Variants in FRMD4A observed in about 807,000 individuals in gnomAD.
FRMD4A encodes the protein FERM domain-containing protein 4A.
In FRMD4A, 29 loss-of-function variants were observed where a neutral mutation model predicts 129.1. The observed-to-expected ratio is 0.22, with a 90% confidence interval of 0.17 to 0.31. The LOEUF is 0.31. FRMD4A is among the 10% of genes least tolerant of loss of function. The pLI is 1.00. For synonymous variants in FRMD4A, 634 were observed against 571.6 expected (o/e 1.11, Z -1.56); for missense variants, 1,272 against 1,375.8 (o/e 0.92, Z 1.19).
intron 2 of FRMD4A, among the ~76,000 whole-genome samples, chr10:14,197,205 CATTTTATACA>C (rs1842496497): frequency 6.6e-6 from 1 of 152,126 alleles, no homozygotes; most frequent in Non-Finnish European, 1.5e-5. Context: ...GGGAACCCCA[CATTTTATACA>C]ATTTTATACA....
At chr10:14,178,260 A>G (rs1841799090) in intron 2 of FRMD4A, among the ~76,000 whole-genome samples, 1 of 152,244 alleles carries the variant, frequency 6.6e-6, no homozygotes, top group African/African-American at 2.4e-5. Flanking sequence ...TTTATTAGTC[A>G]GGGGTTGCAA....
chr10:13,926,807 A>C (rs983117048), intron 2 of FRMD4A, among the ~76,000 whole-genome samples: 4 of 152,232 alleles, frequency 2.6e-5, no homozygotes, highest in African/African-American at 9.6e-5. Context: ...AAAGACCCAC[A>C]TACTTTTAGA....
Position 14,092,354 on chromosome 10 carries a change from G to A in FRMD4A, c.46-233442C>T, listed in dbSNP as rs1304847397. The stretch of plus-strand genomic sequence containing the variant: ...ACTCCAAATTGAGCTGCACACTCTG[G>A]TGTCTTCAGGCACAGCCAGGCATAG... On this transcript the variant is annotated intron_variant, in intron 2 of 24. Transcript: ENST00000357447. 2.0e-5 allele frequency among the ~76,000 whole-genome samples: 3 copies of A among 152,224 alleles called. No homozygotes were observed. In the East Asian group the frequency reaches 5.8e-4, roughly 29 times the overall value.
At chr10:14,075,265 A>G (rs1172580899) in intron 2 of FRMD4A, among the ~76,000 whole-genome samples, 1 of 152,224 alleles carries the variant, frequency 6.6e-6, no homozygotes, top group Non-Finnish European at 1.5e-5. Context: ...TGATTATTTT[A>G]CTATATTGAG....
intron 2 of FRMD4A, among the ~76,000 whole-genome samples, chr10:14,054,690 G>T (rs1361228071): frequency 6.6e-6 from 1 of 152,108 alleles, no homozygotes; most frequent in Admixed American, 6.6e-5. Flanking sequence ...AAGTGATATG[G>T]TTTGGCTGTG....
intron 6 of FRMD4A, among the ~76,000 whole-genome samples, chr10:13,763,433 A>C (rs1365071023): frequency 2.6e-5 from 4 of 152,236 alleles, no homozygotes; most frequent in African/African-American, 9.6e-5. Flanking sequence ...TGTACTAGCC[A>C]CATTTCTTTC....
At chr10:14,074,099 A>C (rs1251107547) in intron 2 of FRMD4A, among the ~76,000 whole-genome samples, 4 of 152,210 alleles carry the variant, frequency 2.6e-5, no homozygotes, top group Non-Finnish European at 4.4e-5. Flanking sequence ...TGACAGAGCA[A>C]GATAGTCTCA....
chr10:13,649,917 A>C (rs2081412266), intron 24 of FRMD4A, among the ~76,000 whole-genome samples: 1 of 152,246 alleles, frequency 6.6e-6, no homozygotes, highest in Non-Finnish European at 1.5e-5. Flanking sequence ...GAGCTGGGGC[A>C]GGATGAAGAT....
At chr10:13,970,294 CCG>C (rs202215361) in intron 2 of FRMD4A, among the ~76,000 whole-genome samples, 2 of 145,652 alleles carry the variant, frequency 1.4e-5, no homozygotes, top group African/African-American at 5.6e-5. Flanking sequence ...GGTCTACCCC[CCG>C]CCTGCCCAGG....
intron 2 of FRMD4A, among the ~76,000 whole-genome samples, chr10:14,172,567 C>T (rs1407459925): frequency 6.6e-6 from 1 of 152,198 alleles, no homozygotes; most frequent in African/African-American, 2.4e-5. Flanking sequence ...ATCTGTTAGG[C>T]GCCAGAGACT....
At chr10:14,057,200 T>G (rs1834576080) in intron 2 of FRMD4A, among the ~76,000 whole-genome samples, 1 of 152,220 alleles carries the variant, frequency 6.6e-6, no homozygotes, top group South Asian at 2.1e-4. Context: ...CCTAGGCTCT[T>G]AATTATTTGC....
intron 18 of FRMD4A, among the ~76,000 whole-genome samples, chr10:13,664,863 A>ATTGG (rs2082893499): frequency 6.6e-6 from 1 of 151,744 alleles, no homozygotes; most frequent in Non-Finnish European, 1.5e-5. Flanking sequence ...GTGCATGCCA[A>ATTGG]CATGCCCAGC....
intron 3 of FRMD4A, among the ~76,000 whole-genome samples, chr10:13,855,814 C>T (rs1007438715): frequency 1.3e-5 from 2 of 152,094 alleles, no homozygotes; most frequent in South Asian, 2.1e-4. Context: ...AGAAAGGATA[C>T]TGCCCAACAG....
At chr10:14,238,991 T>C (rs1421244576) in intron 2 of FRMD4A, among the ~76,000 whole-genome samples, 2 of 152,226 alleles carry the variant, frequency 1.3e-5, no homozygotes, top group Non-Finnish European at 2.9e-5. Context: ...GGTGCTTTTT[T>C]ACTGATTCCT....
chr10:14,146,315 G>A (rs1201719283), intron 2 of FRMD4A, among the ~76,000 whole-genome samples: 1 of 152,214 alleles, frequency 6.6e-6, no homozygotes, highest in East Asian at 1.9e-4. Context: ...ACAAGACGTG[G>A]AAAATAGCCA....
intron 2 of FRMD4A, among the ~76,000 whole-genome samples, chr10:13,962,930 A>G (rs2095455490): frequency 6.6e-6 from 1 of 152,252 alleles, no homozygotes; most frequent in African/African-American, 2.4e-5. Flanking sequence ...GTCATGTCAG[A>G]TTCAAGAATA....
intron 2 of FRMD4A, among the ~76,000 whole-genome samples, chr10:14,086,609 T>G (rs532083072): frequency 6.6e-5 from 10 of 152,224 alleles, no homozygotes; most frequent in Non-Finnish European, 1.0e-4. Flanking sequence ...ATGACTATAT[T>G]GCCATTTTTA....
intron 2 of FRMD4A, among the ~76,000 whole-genome samples, chr10:13,865,838 AC>A (rs1336091064): frequency 6.6e-6 from 1 of 152,124 alleles, no homozygotes; most frequent in African/African-American, 2.4e-5. Flanking sequence ...TAGTCAATTG[AC>A]ACCTGTATTC....
intron 2 of FRMD4A, among the ~76,000 whole-genome samples, chr10:13,983,110 G>A (rs2131407841): frequency 6.6e-6 from 1 of 152,242 alleles, no homozygotes; most frequent in African/African-American, 2.4e-5. Flanking sequence ...ATAGGCGTGT[G>A]CCACTACACC....
Sources: gnomAD v4.1 joint callset for allele counts (sites outside exome capture counted in the v4.1 genomes callset) on GRCh38, gnomAD v4.1.1 for gene constraint, MANE v1.5 for transcripts, NCBI Gene and HGNC (gene_info 2026-07-23, HGNC 2026-07-21) for gene names.